NRXN3: variants seen among roughly 807,000 people sequenced by gnomAD.
NRXN3 encodes neurexin III.
NRXN3 carries 32 observed loss-of-function variants against 137.6 expected under a neutral mutation model. The ratio of observed to expected loss-of-function variants is 0.23; its 90% CI spans 0.18 to 0.31. NRXN3 has a LOEUF of 0.31. Among genes scored for constraint, NRXN3 ranks in the 10% least tolerant of loss-of-function variants. NRXN3 has a pLI of 1.00. For synonymous variants in NRXN3, 798 were observed against 784.5 expected (o/e 1.02, Z -0.29); for missense variants, 1,574 against 2,062.5 (o/e 0.76, Z 4.59).
chr14:79,169,490 T>G (rs938747089), intron 15 of NRXN3, among the ~76,000 whole-genome samples: 5 of 152,142 alleles, frequency 3.3e-5, no homozygotes, highest in African/African-American at 1.2e-4. Context: ...TCCAATCTAA[T>G]ATTTTTTCAC....
At chr14:79,572,650 T>G (rs1052651304) in intron 16 of NRXN3, among the ~76,000 whole-genome samples, 25 of 152,214 alleles carry the variant, frequency 1.6e-4, no homozygotes, top group African/African-American at 5.8e-4. Context: ...GATATTTTCT[T>G]TGTACTAGGC....
At chr14:78,731,111 T>C (rs2152900048) in intron 8 of NRXN3, among the ~76,000 whole-genome samples, 1 of 152,312 alleles carries the variant, frequency 6.6e-6, no homozygotes, top group East Asian at 1.9e-4. Flanking sequence ...GGTTGACCCA[T>C]TCAATTTCTT....
At chr14:78,558,450 T>C (rs950156830) in intron 4 of NRXN3, among the ~76,000 whole-genome samples, 12 of 152,234 alleles carry the variant, frequency 7.9e-5, no homozygotes, top group Admixed American at 7.9e-4. Flanking sequence ...TGCTATGAAA[T>C]GAAAATGATG....
In NRXN3 at chr14:79,539,434, C is replaced by T. The variant is rs2097251081; in HGVS notation, c.3444+72032C>T. Among the ~76,000 whole-genome samples, 4 of 152,292 alleles carry T rather than the reference C, an allele frequency of 2.6e-5. No individual in the cohort carries two copies. In the South Asian group the frequency reaches 6.2e-4, roughly 24 times the overall value. On this transcript the variant is annotated intron_variant, in intron 16 of 20. Coordinates refer to ENST00000335750, the MANE Select transcript of NRXN3 (RefSeq NM_001330195.2). ...TCTCTTGGTCAAAGCAAGAAGGTAT[C>T]GAACAGACTTCCTGTGCTGTTTTAT...
Position 79,868,219 on chromosome 14 carries a change from C to T in NRXN3, c.*6255C>T, listed in dbSNP as rs2099418798. The T allele has an allele frequency of 6.6e-6, 1 of 152,094 alleles. No homozygotes were observed. Among genetic ancestry groups the T allele is most frequent in the Non-Finnish European group, 1.5e-5 (1 of 68,008 alleles). The allele number at this position is 152,094 out of a possible 1,614,324, so 9.4% of individuals were successfully genotyped here. ...CTTTGTTACTTGATTCAGGCAGGAT[C>T]AAAATTAGCTGCTATATGCATGACT... On this transcript the variant is annotated 3_prime_UTR_variant, in exon 21 of 21. Coordinates refer to ENST00000335750, the MANE Select transcript of NRXN3 (RefSeq NM_001330195.2).
At chr14:78,637,598 A>G (rs949204130) in intron 4 of NRXN3, among the ~76,000 whole-genome samples, 1 of 152,226 alleles carries the variant, frequency 6.6e-6, no homozygotes, top group East Asian at 1.9e-4. Context: ...AAGAAGGGTT[A>G]GAGAAGTTAA....
intron 15 of NRXN3, among the ~76,000 whole-genome samples, chr14:79,406,490 G>A (rs1396909029): frequency 6.6e-6 from 1 of 151,864 alleles, no homozygotes; most frequent in Admixed American, 6.6e-5. Context: ...CTTTTGTAGA[G>A]ATGGGGTTTC....
At chr14:78,743,261 A>G (rs1017202324) in intron 8 of NRXN3, among the ~76,000 whole-genome samples, 2 of 152,240 alleles carry the variant, frequency 1.3e-5, no homozygotes, top group Non-Finnish European at 2.9e-5. Flanking sequence ...TATTGCTGAC[A>G]TGGGACAAGA....
chr14:79,726,975 G>A (rs967530793), intron 19 of NRXN3, among the ~76,000 whole-genome samples: 3 of 152,112 alleles, frequency 2.0e-5, no homozygotes, highest in Non-Finnish European at 4.4e-5. Flanking sequence ...TATTTACACT[G>A]TTGGGAAAAC....
At chr14:78,421,088 C>A (rs1258658236) in intron 4 of NRXN3, among the ~76,000 whole-genome samples, 1 of 152,050 alleles carries the variant, frequency 6.6e-6, no homozygotes, top group Non-Finnish European at 1.5e-5. Flanking sequence ...CATGGTGAAA[C>A]CCTGTCTCTA....
intron 10 of NRXN3, among the ~76,000 whole-genome samples, chr14:78,940,443 C>G (rs1022269584): frequency 1.1e-4 from 17 of 152,182 alleles, no homozygotes; most frequent in Admixed American, 2.0e-4. Context: ...GCACTTAAAA[C>G]ATTGTATTAC....
intron 14 of NRXN3, among the ~76,000 whole-genome samples, chr14:78,982,596 G>T (rs962225028): frequency 7.9e-6 from 1 of 125,820 alleles, no homozygotes; most frequent in Admixed American, 7.6e-5. Context: ...ATATTTACAC[G>T]CAGAAAAATA....
intron 8 of NRXN3, among the ~76,000 whole-genome samples, chr14:78,768,343 A>C (rs2098715605): frequency 6.6e-6 from 1 of 152,190 alleles, no homozygotes; most frequent in Admixed American, 6.5e-5. Context: ...TCTTGGGCTC[A>C]ATTTAAGTTA....
intron 19 of NRXN3, among the ~76,000 whole-genome samples, chr14:79,756,942 C>T (rs1262705185): frequency 6.6e-6 from 1 of 152,114 alleles, no homozygotes; most frequent in Admixed American, 6.6e-5. Context: ...ATGTTTTGTG[C>T]CTCTGCTGTA....
chr14:78,913,439 C>T (rs1006915074), intron 10 of NRXN3, among the ~76,000 whole-genome samples: 3 of 151,660 alleles, frequency 2.0e-5, no homozygotes, highest in African/African-American at 2.4e-5. Flanking sequence ...ACCACCATGC[C>T]CAGCTAATTT....
At chr14:79,764,493 C>G (rs1352165970) in intron 19 of NRXN3, among the ~76,000 whole-genome samples, 1 of 152,180 alleles carries the variant, frequency 6.6e-6, no homozygotes, top group Non-Finnish European at 1.5e-5. Context: ...ATTGTTTTAT[C>G]TTGTTTGATG....
chr14:79,831,026 A>C (rs1389842852), intron 20 of NRXN3, among the ~76,000 whole-genome samples: 2 of 152,086 alleles, frequency 1.3e-5, no homozygotes, highest in Non-Finnish European at 2.9e-5. Flanking sequence ...CATTTCAGGA[A>C]CGTGTTGACA....
At chr14:78,789,721 A>G (rs879451186) in intron 8 of NRXN3, among the ~76,000 whole-genome samples, 1 of 152,166 alleles carries the variant, frequency 6.6e-6, no homozygotes, top group African/African-American at 2.4e-5. Flanking sequence ...CATTTCATGC[A>G]CTTGTGAAAG....
intron 16 of NRXN3, among the ~76,000 whole-genome samples, chr14:79,479,333 G>A (rs1214170345): frequency 6.6e-6 from 1 of 151,840 alleles, no homozygotes; most frequent in East Asian, 1.9e-4. Context: ...ATTTGGTCCT[G>A]ACAACACTGT....
Sources: gnomAD v4.1 joint callset for allele counts (sites outside exome capture counted in the v4.1 genomes callset) on GRCh38, gnomAD v4.1.1 for gene constraint, MANE v1.5 for transcripts, NCBI Gene and HGNC (gene_info 2026-07-23, HGNC 2026-07-21) for gene names.